PPFIBP2: variants seen among roughly 807,000 people sequenced by gnomAD.
PPFIBP2 encodes the protein PPFIB scaffold protein 2.
Under a neutral mutation model 118.3 loss-of-function variants are expected in PPFIBP2, and 118 were observed. The observed-to-expected ratio is 1.00, with a 90% CI of 0.86 to 1.16. The LOEUF (loss-of-function observed/expected upper bound fraction) is 1.16. Ranked by LOEUF, PPFIBP2 falls within the 50% of genes most tolerant of loss-of-function variation. The pLI, the probability that PPFIBP2 is intolerant of heterozygous loss-of-function variation, is 0.00. For missense variants in PPFIBP2, 1,195 were observed against 1,073.1 expected (o/e 1.11, Z -1.59); for synonymous variants, 414 against 397.4 (o/e 1.04, Z -0.50).
chr11:7,621,312 G>A (rs1468774558), intron 7 of PPFIBP2, among the ~76,000 whole-genome samples: 1 of 152,192 alleles, frequency 6.6e-6, no homozygotes, highest in African/African-American at 2.4e-5. Flanking sequence ...GAAGGGGCTA[G>A]GAGTGGGGAG....
At chr11:7,558,016 T>C (rs1485074326) in intron 2 of PPFIBP2, among the ~76,000 whole-genome samples, 1 of 152,262 alleles carries the variant, frequency 6.6e-6, no homozygotes, top group Non-Finnish European at 1.5e-5. Flanking sequence ...TTTAAAAGTT[T>C]ATCTTGTCTA....
chr11:7,626,720 A>G (rs898901807), intron 8 of PPFIBP2, among the ~76,000 whole-genome samples: 5 of 152,246 alleles, frequency 3.3e-5, no homozygotes, highest in East Asian at 1.9e-4. Flanking sequence ...TTTGCCATGT[A>G]TACAAAGTGA....
chr11:7,533,887 A>G (rs1850973415), intron 1 of PPFIBP2, among the ~76,000 whole-genome samples: 1 of 152,236 alleles, frequency 6.6e-6, no homozygotes, highest in African/African-American at 2.4e-5. Context: ...TCCTGAAAGC[A>G]CTGTGAAGCC....
rs371828976 is a variant in PPFIBP2 at position 7,565,539 on chromosome 11, C to G, written c.65-14C>G. On this transcript the variant is annotated splice_polypyrimidine_tract_variant and intron_variant, in intron 2 of 23. Coordinates refer to ENST00000299492, the MANE Select transcript of PPFIBP2 (RefSeq NM_003621.5). ...CACCCTTCTTACTGAGTTTTCACCT[C>G]TCTCTCATTGCAGGCACTAAAACAG... 1.2e-6 allele frequency: 2 copies of G among 1,613,872 alleles called. No homozygotes were observed. The highest frequency in any genetic ancestry group is 2.7e-5 in the African/African-American group (2 of 74,936).
intron 4 of PPFIBP2, among the ~76,000 whole-genome samples, chr11:7,595,201 CTG>C (rs1018683573): frequency 1.3e-5 from 2 of 152,132 alleles, no homozygotes; most frequent in South Asian, 4.1e-4. Context: ...TGCCTGCAGT[CTG>C]TGCTCAAAAG....
chr11:7,535,052 T>A (rs990424054), intron 1 of PPFIBP2, among the ~76,000 whole-genome samples: 1 of 152,228 alleles, frequency 6.6e-6, no homozygotes, highest in Non-Finnish European at 1.5e-5. Context: ...TGGGCTGAGC[T>A]GCACATGCTC....
chr11:7,613,370 C>T lies in PPFIBP2; in HGVS notation c.618+2948C>T, dbSNP rs191809217. On this transcript the variant is annotated intron_variant, in intron 6 of 23. Coordinates refer to ENST00000299492, the MANE Select transcript of PPFIBP2 (RefSeq NM_003621.5). ...TGTTTTAAGTTGTGGAAATGATTACCGACAGTCATTCTGTAAGACCTAGGG... is the reference window on the plus strand; with the variant it reads ...TGTTTTAAGTTGTGGAAATGATTACTGACAGTCATTCTGTAAGACCTAGGG... 5.9e-5 allele frequency among the ~76,000 whole-genome samples: 9 copies of T among 152,240 alleles called. No homozygotes were observed. The East Asian group carries it at 9.6e-4, about 16-fold the overall frequency.
chr11:7,577,093 C>G (rs1342636851), intron 3 of PPFIBP2: 1 of 156,966 alleles, frequency 6.4e-6, no homozygotes, highest in Admixed American at 6.2e-5. Context: ...TAATGAGTTC[C>G]AGCCACTCCA....
intron 1 of PPFIBP2, among the ~76,000 whole-genome samples, chr11:7,540,674 T>C (rs936147131): frequency 6.6e-6 from 1 of 152,116 alleles, no homozygotes; most frequent in African/African-American, 2.4e-5. Flanking sequence ...ATCCAGTGCT[T>C]ACAGAATGGG....
At chr11:7,561,806 C>T (rs61890217) in intron 2 of PPFIBP2, among the ~76,000 whole-genome samples, 82,201 of 151,994 alleles carry the variant, frequency 0.54, 24,618 homozygotes, top group African/African-American at 0.82. Context: ...AATTCAGGAG[C>T]GGTTTAGTTG....
chr11:7,527,998 T>C (rs1033262399), intron 1 of PPFIBP2, among the ~76,000 whole-genome samples: 1 of 152,180 alleles, frequency 6.6e-6, no homozygotes, highest in Non-Finnish European at 1.5e-5. Context: ...GAAATGGGCT[T>C]CAAGAAGATA....
At chr11:7,641,929 T>A (rs112877342) in intron 16 of PPFIBP2, 1 of 428,048 alleles carries the variant, frequency 2.3e-6, no homozygotes, top group Non-Finnish European at 4.2e-6. Flanking sequence ...GATGAGACTG[T>A]ATTCTCCCTT....
chr11:7,620,132 G>T (rs1849166007), intron 6 of PPFIBP2, among the ~76,000 whole-genome samples: 1 of 152,118 alleles, frequency 6.6e-6, no homozygotes, highest in Admixed American at 6.6e-5. Context: ...CTAGCTAAAT[G>T]AGTAAGAGAA....
chr11:7,648,589 G>A, intron 18 of PPFIBP2, 52 bp downstream of exon 18: 1 of 1,604,398 alleles, frequency 6.2e-7, no homozygotes, highest in Non-Finnish European at 8.5e-7. Flanking sequence ...CAAAGCATGG[G>A]GAGGCCAGGG....
the PPFIBP2 span, chr11:7,666,684 G>GCAAA: frequency 1.7e-6 from 1 of 580,492 alleles, no homozygotes; most frequent in Non-Finnish European, 3.1e-6. Context: ...AACTCCCACG[G>GCAAA]CAAACAAGAG....
intron 3 of PPFIBP2, among the ~76,000 whole-genome samples, chr11:7,589,192 C>G (rs561281634): frequency 3.9e-5 from 6 of 152,288 alleles, no homozygotes; most frequent in African/African-American, 1.4e-4. Context: ...TAAAAATTAG[C>G]TCTTTCTTAT....
At chr11:7,522,678 A>C (rs1242707563) in intron 1 of PPFIBP2, among the ~76,000 whole-genome samples, 1 of 152,214 alleles carries the variant, frequency 6.6e-6, no homozygotes, top group Non-Finnish European at 1.5e-5. Context: ...CTGGAGTCTT[A>C]TAGGTCAAGC....
chr11:7,610,550 C>T, intron 6 of PPFIBP2, 128 bp downstream of exon 6: 3 of 1,296,932 alleles, frequency 2.3e-6, no homozygotes, highest in Non-Finnish European at 3.2e-6. Context: ...ACTAGAGATG[C>T]AGTGATCTGT....
At chr11:7,636,546 C>T (rs943345500) in intron 14 of PPFIBP2, among the ~76,000 whole-genome samples, 5 of 152,044 alleles carry the variant, frequency 3.3e-5, no homozygotes, top group Non-Finnish European at 7.4e-5. Context: ...CTTCCTATGG[C>T]GTCAGCTGTT....
Sources: allele counts gnomAD v4.1 joint callset (sites outside exome capture counted in the v4.1 genomes callset), GRCh38; gene constraint gnomAD v4.1.1; transcripts MANE v1.5; gene names NCBI Gene and HGNC (gene_info 2026-07-23, HGNC 2026-07-21).